The following ZNF774 variants were observed in gnomAD, a reference collection of about 807,000 sequenced individuals.
ZNF774 encodes zinc finger protein 774.
Under a neutral mutation model 11.1 loss-of-function variants are expected in ZNF774, and 14 were observed. The ratio of observed to expected loss-of-function variants is 1.26; its 90% CI spans 0.83 to 1.97. The LOEUF (loss-of-function observed/expected upper bound fraction) is 1.97. ZNF774 is among the 30% of genes most tolerant of loss of function. The pLI, the probability that ZNF774 is intolerant of heterozygous loss-of-function variation, is 0.00. For missense variants in ZNF774, 599 were observed against 587.0 expected (o/e 1.02, Z -0.21); for synonymous variants, 195 against 212.6 (o/e 0.92, Z 0.72).
In ZNF774 at chr15:90,360,462, G is replaced by A; in HGVS notation, c.631G>A (p.Gly211Arg). ...AGGAGAGAAGCCCTACCAATGCAAG[G>A]GGTGTGAGAAGAAATTCAGCGACAG... ...HTGEKPYQCKGCEKKFSDSST... is the reference protein window; with the variant it reads ...HTGEKPYQCKRCEKKFSDSST... Residue 211 changes from glycine (G) to arginine (R), a missense_variant, in exon 4 of 4, where the codon GGG (glycine) becomes AGG (arginine). By Grantham distance (125) the Gly-to-Arg change is moderately radical. Coordinates refer to ENST00000354377, the MANE Select transcript of ZNF774 (RefSeq NM_001004309.3). 6.2e-7 allele frequency: 1 copy of A among 1,613,722 alleles called. No individual in the cohort carries two copies. Among genetic ancestry groups the A allele is most frequent in the African/African-American group, 1.3e-5 (1 of 74,992 alleles).
At chr15:90,357,416 A>C (rs1180980574) in intron 2 of ZNF774, among the ~76,000 whole-genome samples, 1 of 152,134 alleles carries the variant, frequency 6.6e-6, no homozygotes, top group Non-Finnish European at 1.5e-5. Flanking sequence ...AGGTGAGAGA[A>C]TCGCTTGAGC....
intron 2 of ZNF774, among the ~76,000 whole-genome samples, chr15:90,355,745 A>C (rs1964236831): frequency 6.7e-6 from 1 of 148,554 alleles, no homozygotes; most frequent in Admixed American, 6.7e-5. Flanking sequence ...AAAAAAAAAA[A>C]CAAGGCTGGG....
Position 90,361,927 on chromosome 15 carries a change from A to G in ZNF774, c.*644A>G, listed in dbSNP as rs1165444737. ...CCTGGCACAACATAGATGCTCAATA[A>G]CTAAATGGTCCCATCATTATTAATG... On this transcript the variant is annotated 3_prime_UTR_variant, in exon 4 of 4. Coordinates refer to ENST00000354377, the MANE Select transcript of ZNF774 (RefSeq NM_001004309.3). The G allele has an allele frequency of 6.5e-6, 1 of 153,800 alleles. No homozygotes were observed. The highest frequency in any genetic ancestry group is 1.9e-4 in the East Asian group (1 of 5,228). The allele number at this position is 153,800 out of a possible 1,614,324, so 9.5% of individuals were successfully genotyped here.
chr15:90,355,013 C>T (rs1964225106), intron 2 of ZNF774, among the ~76,000 whole-genome samples: 1 of 152,116 alleles, frequency 6.6e-6, no homozygotes, highest in Non-Finnish European at 1.5e-5. Context: ...CAAGGCTGGT[C>T]TCACTATGCT....
intron 3 of ZNF774, among the ~76,000 whole-genome samples, chr15:90,359,525 G>A (rs1241850252): frequency 2.6e-5 from 4 of 151,720 alleles, no homozygotes; most frequent in African/African-American, 9.7e-5. Context: ...CACAATCTCT[G>A]CTCACTGCAA....
Position 90,361,367 on chromosome 15 carries a change from C to T in ZNF774, c.*84C>T, listed in dbSNP as rs555297227. ...GCACCCCAAATAGAGAAAACCTGGG[C>T]GTCAGTGGCTCAATTTGGGCCCTGA... On this transcript the variant is annotated 3_prime_UTR_variant, in exon 4 of 4. Coordinates refer to ENST00000354377, the MANE Select transcript of ZNF774 (RefSeq NM_001004309.3). 1.2e-5 allele frequency: 18 copies of T among 1,502,892 alleles called. No individual in the cohort carries two copies. The highest frequency in any genetic ancestry group is 4.1e-4 in the Middle Eastern group (2 of 4,900). The allele number at this position is 1,502,892 out of a possible 1,614,324, so 93.1% of individuals were successfully genotyped here.
In ZNF774 at chr15:90,361,105, A is replaced by T. The variant is rs780705127; in HGVS notation, c.1274A>T (p.His425Leu). 1 of 1,614,102 alleles carries T rather than the reference A, an allele frequency of 6.2e-7. No homozygotes were observed. Among genetic ancestry groups the T allele is most frequent in the East Asian group, 2.2e-5 (1 of 44,902 alleles). Residue 425 changes from histidine (H) to leucine (L), a missense_variant, in exon 4 of 4, where the codon CAC becomes CTC. By Grantham distance (99) the His-to-Leu change is moderately conservative. Coordinates refer to ENST00000354377, the MANE Select transcript of ZNF774 (RefSeq NM_001004309.3). The stretch of plus-strand genomic sequence containing the variant: ...CACTTTATTACCCATCAGCGAATCC[A>T]CTTAGGAGACAGGCCCTATCGATGT... ...SSHFITHQRI[H>L]LGDRPYRCPE...
intron 1 of ZNF774, 108 bp downstream of exon 1, chr15:90,352,519 GC>G (rs970777033): frequency 4.6e-5 from 7 of 152,416 alleles, no homozygotes; most frequent in Admixed American, 1.3e-4. Flanking sequence ...TCCCGCGCTG[GC>G]CTTTGGGAGC....
At chr15:90,357,154 AC>A (rs772128851) in intron 2 of ZNF774, among the ~76,000 whole-genome samples, 37 of 152,304 alleles carry the variant, frequency 2.4e-4, no homozygotes, top group Admixed American at 1.0e-3. Flanking sequence ...ATTCCCACAA[AC>A]ATTATATGAA....
rs935325155 is a variant in ZNF774 at position 90,362,484 on chromosome 15, C to G, written c.*1201C>G. 5 of 1,456,938 alleles carry G rather than the reference C, an allele frequency of 3.4e-6. No individual in the cohort carries two copies. The highest frequency in any genetic ancestry group is 4.6e-6 in the Non-Finnish European group (5 of 1,075,948). 90.3% of individuals were successfully genotyped at this position (1,456,938 alleles called of 1,614,324 possible). ...AGCTGAAGGAAGCAACTCTTGTTTT[C>G]TAATTTGCTGGGTCATTGGCCATTT... On this transcript the variant is annotated 3_prime_UTR_variant, in exon 4 of 4. Coordinates refer to ENST00000354377, the MANE Select transcript of ZNF774 (RefSeq NM_001004309.3).
At position 90,354,610 on chromosome 15, in the gene ZNF774, C is replaced by G. The variant is rs564639138; in HGVS notation, c.-19-32C>G. 9.7e-5 allele frequency: 136 copies of G among 1,396,978 alleles called. No homozygotes were observed. The South Asian group carries it at 1.4e-3, about 14-fold the overall frequency. 86.5% of individuals were successfully genotyped at this position (1,396,978 alleles called of 1,614,324 possible). A position where few individuals can be genotyped will look rare whatever the true frequency, so the allele number is the denominator to read the frequency against. ...GACAATGGTGAGAATATCTAGGGAG[C>G]TACTGATGCACATTGAGGTCTCTTG... On this transcript the variant is annotated intron_variant, in intron 1 of 3. Coordinates refer to ENST00000354377, the MANE Select transcript of ZNF774 (RefSeq NM_001004309.3).
In ZNF774 at chr15:90,362,486, A is replaced by G; in HGVS notation, c.*1203A>G. 2 of 1,460,038 alleles carry G rather than the reference A, an allele frequency of 1.4e-6. No individual in the cohort carries two copies. The highest frequency in any genetic ancestry group is 1.4e-5 in the African/African-American group (1 of 71,488). 90.4% of individuals were successfully genotyped at this position (1,460,038 alleles called of 1,614,324 possible). A position where few individuals can be genotyped will look rare whatever the true frequency, so the allele number is the denominator to read the frequency against. On this transcript the variant is annotated 3_prime_UTR_variant, in exon 4 of 4. Coordinates refer to ENST00000354377, the MANE Select transcript of ZNF774 (RefSeq NM_001004309.3). Reference sequence around the variant, plus strand: ...CTGAAGGAAGCAACTCTTGTTTTCTAATTTGCTGGGTCATTGGCCATTTAG... The same window carrying G: ...CTGAAGGAAGCAACTCTTGTTTTCTGATTTGCTGGGTCATTGGCCATTTAG...
At chr15:90,359,263 G>A (rs570415829) in intron 3 of ZNF774, among the ~76,000 whole-genome samples, 60 of 149,538 alleles carry the variant, frequency 4.0e-4, no homozygotes, top group Non-Finnish European at 7.3e-4. Context: ...TAGTAGAGAC[G>A]GGGTTTCACC....
rs752318744 is a variant in ZNF774 at position 90,354,613 on chromosome 15, C to G, written c.-19-29C>G. On this transcript the variant is annotated intron_variant, in intron 1 of 3. Coordinates refer to ENST00000354377, the MANE Select transcript of ZNF774 (RefSeq NM_001004309.3). The stretch of plus-strand genomic sequence containing the variant: ...AATGGTGAGAATATCTAGGGAGCTA[C>G]TGATGCACATTGAGGTCTCTTGCTT... The G allele has an allele frequency of 2.8e-6, 4 of 1,429,570 alleles. No homozygotes were observed. The Admixed American group carries it at 7.8e-5, about 28-fold the overall frequency. 88.6% of individuals were successfully genotyped at this position (1,429,570 alleles called of 1,614,324 possible).
chr15:90,361,472 G>T lies in ZNF774; in HGVS notation c.*189G>T. On this transcript the variant is annotated 3_prime_UTR_variant, in exon 4 of 4. Transcript: ENST00000354377. ...TCCAAATAACGGTCCGAATACAAAAGGCATTCCTTCAGTGTGTGACTGACT... is the reference window on the plus strand; with the variant it reads ...TCCAAATAACGGTCCGAATACAAAATGCATTCCTTCAGTGTGTGACTGACT... The T allele has an allele frequency of 7.2e-7, 1 of 1,382,288 alleles. No individual in the cohort carries two copies. The highest frequency in any genetic ancestry group is 1.8e-5 in the South Asian group (1 of 55,938). 85.6% of individuals were successfully genotyped at this position (1,382,288 alleles called of 1,614,324 possible). A position where few individuals can be genotyped will look rare whatever the true frequency, so the allele number is the denominator to read the frequency against.
At chr15:90,354,511 A>G in intron 1 of ZNF774, 131 bp from the exon 2 acceptor site, 1 of 616,064 alleles carries the variant, frequency 1.6e-6, no homozygotes, top group Admixed American at 3.1e-5. Context: ...TGGTTGACAG[A>G]ATTTACCTCA....
chr15:90,353,795 C>G (rs1158038387), intron 1 of ZNF774, among the ~76,000 whole-genome samples: 3 of 151,900 alleles, frequency 2.0e-5, no homozygotes, highest in Non-Finnish European at 4.4e-5. Flanking sequence ...AAAGAGGTCT[C>G]AATATGTTGC....
chr15:90,356,728 C>T (rs1964254498), intron 2 of ZNF774, among the ~76,000 whole-genome samples: 1 of 152,190 alleles, frequency 6.6e-6, no homozygotes, highest in Non-Finnish European at 1.5e-5. Flanking sequence ...TTCTTTACAT[C>T]ACTTAAAATA....
At position 90,360,079 on chromosome 15, in the gene ZNF774, A is replaced by T. The variant is rs2589957; in HGVS notation, c.248A>T (p.Asn83Ile). Residue 83 changes from asparagine (N) to isoleucine (I), a missense_variant, in exon 4 of 4, where the codon AAT becomes ATT. Transcript: ENST00000354377. ...CAGGTGGCAAAGCTCAATCAGGACA[A>T]TTCTGAAACAGCAGAACAATGTGGA... ...EHQVAKLNQDNSETAEQCGTS... is the reference protein window; with the variant it reads ...EHQVAKLNQDISETAEQCGTS... 1.2e-6 allele frequency: 2 copies of T among 1,613,504 alleles called. No homozygotes were observed. The highest frequency in any genetic ancestry group is 4.5e-5 in the East Asian group (2 of 44,876).
Sources: gnomAD v4.1 joint callset for allele counts (sites outside exome capture counted in the v4.1 genomes callset) on GRCh38, gnomAD v4.1.1 for gene constraint, MANE v1.5 for transcripts, NCBI Gene and HGNC (gene_info 2026-07-23, HGNC 2026-07-21) for gene names.